ZNF121: variants seen among roughly 807,000 people sequenced by gnomAD.
The protein encoded by ZNF121 is zinc finger protein 121 (clone ZHC32).
Under a neutral mutation model 2.4 loss-of-function variants are expected in ZNF121, and 1 was observed. That is an observed-to-expected ratio of 0.41 (90% CI 0.15 to 1.94). The LOEUF is 1.94. ZNF121 is among the 30% of genes most tolerant of loss of function. The pLI is 0.30. For missense variants in ZNF121, 369 were observed against 466.3 expected, an observed-to-expected ratio of 0.79 and a Z score of 1.92; for synonymous variants, 173 against 158.6, an observed-to-expected ratio of 1.09 and a Z score of -0.68.
At chr19:9,573,282 G>A (rs2074186907) in intron 1 of ZNF121, among the ~76,000 whole-genome samples, 1 of 152,034 alleles carries the variant, frequency 6.6e-6, no homozygotes, top group Non-Finnish European at 1.5e-5. Flanking sequence ...ACACAGAAGA[G>A]CAACTCAGAA....
chr19:9,575,232 C>CA (rs2074202188), intron 1 of ZNF121, among the ~76,000 whole-genome samples: 2 of 151,988 alleles, frequency 1.3e-5, no homozygotes, highest in Admixed American at 1.3e-4. Context: ...CCAGCGTGGT[C>CA]AACATGGTGA....
intron 1 of ZNF121, chr19:9,584,133 A>C (rs2074268537): frequency 6.6e-6 from 1 of 152,232 alleles, no homozygotes; most frequent in African/African-American, 2.4e-5. Flanking sequence ...GGCCGGAGCC[A>C]ACCTGACTGG....
rs140478815 is a variant in ZNF121 at position 9,580,770 on chromosome 19, C to T, written c.-160+3691G>A. Among the ~76,000 whole-genome samples, 509 of 152,314 alleles carry T rather than the reference C, an allele frequency of 3.3e-3. 6 individuals carry two copies. The highest frequency in any genetic ancestry group is 0.012 in the African/African-American group (487 of 41,568). ...ATGGCATCCTATTTATTGGAAGCCT[C>T]TGGCATACACCAACAGAAGATGTAG... On this transcript the variant is annotated intron_variant, in intron 1 of 3. Transcript: ENST00000320451.
rs71185609 is a variant in ZNF121 at position 9,565,353 on chromosome 19, C to CAAAAAAAAAAAAAAAAAAAA, written c.*567_*586dup. ...AAGAATGTGTATTAACAACGACTTA[C>CAAAAAAAAAAAAAAAAAAAA]AAAAAAAAAAAAAAAAAAAAAAAAA... On this transcript the variant is annotated 3_prime_UTR_variant, in exon 4 of 4. Coordinates refer to ENST00000320451, the MANE Select transcript of ZNF121 (RefSeq NM_001008727.5). The CAAAAAAAAAAAAAAAAAAAA allele has an allele frequency of 3.0e-4, 9 of 29,816 alleles. 3 individuals carry two copies. Among genetic ancestry groups the CAAAAAAAAAAAAAAAAAAAA allele is most frequent in the Non-Finnish European group, 4.0e-4 (6 of 14,896 alleles). 1.8% of individuals were successfully genotyped at this position (29,816 alleles called of 1,614,324 possible).
chr19:9,583,235 C>G (rs1326900803), intron 1 of ZNF121, among the ~76,000 whole-genome samples: 1 of 150,338 alleles, frequency 6.7e-6, no homozygotes, highest in Admixed American at 6.6e-5. Context: ...AAACAAAAGC[C>G]TCCATCCTTT....
chr19:9,581,136 T>G (rs553989323), intron 1 of ZNF121, among the ~76,000 whole-genome samples: 1 of 152,166 alleles, frequency 6.6e-6, no homozygotes, highest in African/African-American at 2.4e-5. Flanking sequence ...TCTAAGAGAA[T>G]GAGTGTTAGG....
intron 1 of ZNF121, among the ~76,000 whole-genome samples, chr19:9,578,815 A>G (rs1181415930): frequency 6.6e-6 from 1 of 152,148 alleles, no homozygotes; most frequent in Non-Finnish European, 1.5e-5. Context: ...CACAGGCAAC[A>G]GGAGCAAAAA....
At position 9,565,669 on chromosome 19, in the gene ZNF121, C is replaced by CAAATAAAATAAAATA. The variant is rs57109713; in HGVS notation, c.*256_*270dup. 2.3e-3 allele frequency: 345 copies of CAAATAAAATAAAATA among 148,836 alleles called. 1 individual carries two copies. Among genetic ancestry groups the CAAATAAAATAAAATA allele is most frequent in the South Asian group, 4.7e-3 (23 of 4,914 alleles). The allele number at this position is 148,836 out of a possible 1,614,324, so 9.2% of individuals were successfully genotyped here. ...TGATGACAACAGCAAAACTCTGTCT[C>CAAATAAAATAAAATA]AAATAAAATAAAATAAAATAAAATA... On this transcript the variant is annotated 3_prime_UTR_variant, in exon 4 of 4. Transcript: ENST00000320451.
At chr19:9,577,564 T>A (rs918476342) in intron 1 of ZNF121, among the ~76,000 whole-genome samples, 1 of 151,014 alleles carries the variant, frequency 6.6e-6, no homozygotes, top group Non-Finnish European at 1.5e-5. Flanking sequence ...AGAAAAAAAA[T>A]GGGAAGATAT....
At chr19:9,576,392 G>A (rs1053538376) in intron 1 of ZNF121, among the ~76,000 whole-genome samples, 1 of 151,132 alleles carries the variant, frequency 6.6e-6, no homozygotes, top group Non-Finnish European at 1.5e-5. Context: ...CAAAATCCAT[G>A]GTACAAAAGC....
At chr19:9,577,467 A>T (rs1215685212) in intron 1 of ZNF121, among the ~76,000 whole-genome samples, 1 of 152,066 alleles carries the variant, frequency 6.6e-6, no homozygotes, top group African/African-American at 2.4e-5. Flanking sequence ...AAAAATAAAG[A>T]AAAAGAAAAA....
In ZNF121 at chr19:9,564,501, G is replaced by C. The variant is rs984216945; in HGVS notation, c.*1439C>G. 1.3e-5 allele frequency: 2 copies of C among 152,148 alleles called. No homozygotes were observed. Among genetic ancestry groups the C allele is most frequent in the South Asian group, 4.1e-4 (2 of 4,830 alleles). 9.4% of individuals were successfully genotyped at this position (152,148 alleles called of 1,614,324 possible). On this transcript the variant is annotated 3_prime_UTR_variant, in exon 4 of 4. Coordinates refer to ENST00000320451, the MANE Select transcript of ZNF121 (RefSeq NM_001008727.5). ...GTCTTCAGTGGAAAAAGTAACTGTG[G>C]ATGTGATGGAAAAAAGAGAACTAGA...
At chr19:9,573,483 G>A (rs1163676087) in intron 1 of ZNF121, among the ~76,000 whole-genome samples, 2 of 152,160 alleles carry the variant, frequency 1.3e-5, no homozygotes, top group Non-Finnish European at 2.9e-5. Flanking sequence ...AAGGAACTAA[G>A]ATTGTCGGCA....
chr19:9,575,644 G>A (rs965236761), intron 1 of ZNF121, among the ~76,000 whole-genome samples: 6 of 151,942 alleles, frequency 3.9e-5, no homozygotes, highest in Admixed American at 1.3e-4. Flanking sequence ...TCACGAGGCT[G>A]AGGCAGGAGA....
chr19:9,582,764 A>AG (rs1568216670), intron 1 of ZNF121, among the ~76,000 whole-genome samples: 4 of 151,852 alleles, frequency 2.6e-5, no homozygotes, highest in Non-Finnish European at 5.9e-5. Flanking sequence ...AAAAAAAAAA[A>AG]AAACTACTAG....
At chr19:9,575,555 C>A (rs1382246558) in intron 1 of ZNF121, among the ~76,000 whole-genome samples, 1 of 152,002 alleles carries the variant, frequency 6.6e-6, no homozygotes, top group Non-Finnish European at 1.5e-5. Context: ...CCAGCCTGGC[C>A]AACATGGCAA....
In ZNF121 at chr19:9,561,319, A is replaced by AT. The variant is rs1167423763; in HGVS notation, c.*4620dup. ...TTTCTGAGTCTAGGGCTGGAGACAA[A>AT]TGTACCATGAACAAACTGTTGCCCA... On this transcript the variant is annotated 3_prime_UTR_variant, in exon 4 of 4. Transcript: ENST00000320451. 6.6e-6 allele frequency: 1 copy of AT among 152,222 alleles called. No homozygotes were observed. The highest frequency in any genetic ancestry group is 2.4e-5 in the African/African-American group (1 of 41,460). 9.4% of individuals were successfully genotyped at this position (152,222 alleles called of 1,614,324 possible).
chr19:9,577,019 A>G (rs989639322), intron 1 of ZNF121, among the ~76,000 whole-genome samples: 43 of 152,352 alleles, frequency 2.8e-4, no homozygotes, highest in African/African-American at 9.9e-4. Flanking sequence ...AATCCTACCA[A>G]AAACTGAAAG....
rs2074118108 is a variant in ZNF121, at chr19:9,564,614, G to A, written c.*1326C>T. 6.6e-6 allele frequency: 1 copy of A among 152,124 alleles called. No homozygotes were observed. The highest frequency in any genetic ancestry group is 1.5e-5 in the Non-Finnish European group (1 of 68,022). The allele number at this position is 152,124 out of a possible 1,614,324, so 9.4% of individuals were successfully genotyped here. On this transcript the variant is annotated 3_prime_UTR_variant, in exon 4 of 4. Coordinates refer to ENST00000320451, the MANE Select transcript of ZNF121 (RefSeq NM_001008727.5). The stretch of plus-strand genomic sequence containing the variant: ...ATGAGAGGCTGCTTTGTATAGATAA[G>A]CAAAGAAAGTGGTTTCCTGAAATGA...
Sources: allele counts gnomAD v4.1 joint callset (sites outside exome capture counted in the v4.1 genomes callset), GRCh38; gene constraint gnomAD v4.1.1; transcripts MANE v1.5; gene names NCBI Gene and HGNC (gene_info 2026-07-23, HGNC 2026-07-21).